Variants in PSMF1 observed in about 807,000 individuals in gnomAD.
PSMF1 encodes proteasome inhibitor subunit 1, also known as proteasome inhibitor PI31 subunit.
In PSMF1, 30 loss-of-function variants were observed where a neutral mutation model predicts 29.3. The ratio of observed to expected loss-of-function variants is 1.02; its 90% CI spans 0.77 to 1.39. The LOEUF (loss-of-function observed/expected upper bound fraction) is 1.39, where lower values mean the gene tolerates loss of function less well. Among genes scored for constraint, PSMF1 ranks in the 40% most tolerant of loss-of-function variants. The pLI is 0.00. For missense variants in PSMF1, 344 were observed against 357.5 expected, an observed-to-expected ratio of 0.96 and a Z score of 0.31; for synonymous variants, 134 against 139.7, an observed-to-expected ratio of 0.96 and a Z score of 0.29.
At chr20:1,132,842 G>A (rs1342155183) in intron 3 of PSMF1, among the ~76,000 whole-genome samples, 1 of 152,020 alleles carries the variant, frequency 6.6e-6, no homozygotes, top group Non-Finnish European at 1.5e-5. Context: ...ATTATGAATG[G>A]CATATTCTGT....
chr20:1,128,237 T>C (rs1189844625), intron 3 of PSMF1, among the ~76,000 whole-genome samples: 1 of 152,230 alleles, frequency 6.6e-6, no homozygotes, highest in Non-Finnish European at 1.5e-5. Context: ...ACATAGTTGG[T>C]ATCATACAGT....
At chr20:1,118,971 C>T in intron 1 of PSMF1, 69 bp downstream of exon 1, 1 of 1,572,498 alleles carries the variant, frequency 6.4e-7, no homozygotes, top group Non-Finnish European at 8.7e-7. Flanking sequence ...TACCGGAGGC[C>T]TGGTCCAGAG....
rs2086749644 is a variant in PSMF1 at position 1,167,814 on chromosome 20, G to C, written c.*2734G>C. On this transcript the variant is annotated 3_prime_UTR_variant, in exon 7 of 7. Transcript: ENST00000335877. ...TGTACCAGTTTTTGAGTTTTCAGTTGTTTGAGTTTCAGATGTTTTCAGTTC... is the reference window on the plus strand; with the variant it reads ...TGTACCAGTTTTTGAGTTTTCAGTTCTTTGAGTTTCAGATGTTTTCAGTTC... The C allele has an allele frequency of 6.6e-6, 1 of 152,174 alleles. No individual in the cohort carries two copies. Among genetic ancestry groups the C allele is most frequent in the Non-Finnish European group, 1.5e-5 (1 of 68,026 alleles). The allele number at this position is 152,174 out of a possible 1,614,324, so 9.4% of individuals were successfully genotyped here.
chr20:1,131,476 G>C (rs1328155047), intron 3 of PSMF1, among the ~76,000 whole-genome samples: 1 of 152,208 alleles, frequency 6.6e-6, no homozygotes, highest in Admixed American at 6.5e-5. Flanking sequence ...GCTTAGTCCA[G>C]CTCTTAGTAA....
chr20:1,148,172 G>A (rs917495137), intron 4 of PSMF1, among the ~76,000 whole-genome samples: 1 of 152,166 alleles, frequency 6.6e-6, no homozygotes, highest in African/African-American at 2.4e-5. Flanking sequence ...AAAGATTCTG[G>A]GTCTGCTGTG....
chr20:1,121,427 C>T (rs2086086144), intron 1 of PSMF1, among the ~76,000 whole-genome samples: 1 of 152,094 alleles, frequency 6.6e-6, no homozygotes, highest in Non-Finnish European at 1.5e-5. Context: ...CATTGGGGCT[C>T]AGGTTGCACT....
intron 4 of PSMF1, chr20:1,161,584 C>T (rs182524568): frequency 1.2e-4 from 75 of 637,838 alleles, no homozygotes; most frequent in Non-Finnish European, 1.1e-4. Context: ...GCAAGTACTC[C>T]GTGTGGATCA....
In PSMF1 at chr20:1,171,091, G is replaced by A. The variant is rs190291269; in HGVS notation, c.*6011G>A. On this transcript the variant is annotated 3_prime_UTR_variant, in exon 7 of 7. Transcript: ENST00000335877. ...TGGGCAAAACCCATTCCAGAAGCTG[G>A]GAAACCACGTCAGGACTTGTGTGAG... Among the ~76,000 whole-genome samples the A allele has an allele frequency of 6.6e-6, 1 of 152,184 alleles. No individual in the cohort carries two copies. The highest frequency in any genetic ancestry group is 1.9e-4 in the East Asian group (1 of 5,158).
intron 3 of PSMF1, among the ~76,000 whole-genome samples, chr20:1,132,976 T>G (rs1191892960): frequency 6.7e-6 from 1 of 150,274 alleles, no homozygotes; most frequent in Admixed American, 6.6e-5. Flanking sequence ...TTTGTTTTTT[T>G]TTTTTTTTGG....
intron 4 of PSMF1, among the ~76,000 whole-genome samples, chr20:1,146,752 C>T (rs1454150562): frequency 6.6e-6 from 1 of 152,206 alleles, no homozygotes; most frequent in Non-Finnish European, 1.5e-5. Flanking sequence ...TGTCTCAGCA[C>T]ATTTAGCCTC....
chr20:1,155,283 G>A (rs913279259), intron 4 of PSMF1, among the ~76,000 whole-genome samples: 5 of 152,228 alleles, frequency 3.3e-5, no homozygotes, highest in East Asian at 1.9e-4. Flanking sequence ...AAAATCTCCT[G>A]TGTTTCTTTT....
At chr20:1,131,209 G>T (rs979214546) in intron 3 of PSMF1, among the ~76,000 whole-genome samples, 1 of 152,252 alleles carries the variant, frequency 6.6e-6, no homozygotes, top group Admixed American at 6.5e-5. Context: ...GACAAAACCT[G>T]TGGAAGAACC....
intron 3 of PSMF1, among the ~76,000 whole-genome samples, chr20:1,133,916 C>T (rs2086269101): frequency 6.6e-6 from 1 of 151,840 alleles, no homozygotes; most frequent in South Asian, 2.1e-4. Context: ...TCTTAGTATT[C>T]TCTTATTATC....
Position 1,164,362 on chromosome 20 carries a change from T to C in PSMF1, c.650T>C (p.Phe217Ser), listed in dbSNP as rs2086702392. ...ATTGTGGATCCCCTGAGATCTGGCT[T>C]CCCAAGAGCACTTATTGACCCTTCC... ...GMIVDPLRSG[F>S]PRALIDPSSG... is the part of the protein sequence containing the mutation. The change falls in exon 6 of 7, where the codon TTC becomes TCC. Residue 217 changes from phenylalanine to serine, a missense_variant. By Grantham distance (155) the Phe-to-Ser change is radical. Coordinates refer to ENST00000335877, the MANE Select transcript of PSMF1 (RefSeq NM_006814.5). The surrounding 1 kb of genome is among the most constrained non-coding windows in gnomAD (Gnocchi z 4.1). 1 of 1,613,946 alleles carries C rather than the reference T, an allele frequency of 6.2e-7. No homozygotes were observed. Among genetic ancestry groups the C allele is most frequent in the Non-Finnish European group, 8.5e-7 (1 of 1,179,952 alleles).
intron 4 of PSMF1, chr20:1,160,893 G>A: frequency 2.2e-6 from 1 of 447,864 alleles, no homozygotes. Flanking sequence ...ACCTGGTGCT[G>A]CTGACTGAGG....
At chr20:1,141,486 CTTTTT>C (rs919210769) in intron 4 of PSMF1, among the ~76,000 whole-genome samples, 2 of 150,568 alleles carry the variant, frequency 1.3e-5, no homozygotes, top group African/African-American at 4.9e-5. Context: ...CTTTTTTTTT[CTTTTT>C]AATATTTTTT....
rs1394065252 is a variant in PSMF1 at position 1,163,577 on chromosome 20, A to G, written c.605+394A>G. 2.6e-5 allele frequency among the ~76,000 whole-genome samples: 4 copies of G among 152,236 alleles called. No homozygotes were observed. The highest frequency in any genetic ancestry group is 5.9e-5 in the Non-Finnish European group (4 of 68,038). On this transcript the variant is annotated intron_variant, in intron 5 of 6. Coordinates refer to ENST00000335877, the MANE Select transcript of PSMF1 (RefSeq NM_006814.5). The surrounding 1 kb of genome is among the most constrained non-coding windows in gnomAD (Gnocchi z 6.1). ...ACTCTGGATGGTTCTTATGCATCCA[A>G]CAAAGTTACTACAGCCTCTGCTATC...
At chr20:1,130,277 A>G (rs1298093280) in intron 3 of PSMF1, among the ~76,000 whole-genome samples, 1 of 152,230 alleles carries the variant, frequency 6.6e-6, no homozygotes, top group Non-Finnish European at 1.5e-5. Context: ...GTGTTAATGT[A>G]CTTAACAGTA....
intron 3 of PSMF1, among the ~76,000 whole-genome samples, chr20:1,130,233 G>A (rs1335661489): frequency 6.6e-6 from 1 of 152,164 alleles, no homozygotes; most frequent in East Asian, 1.9e-4. Context: ...AATGAAAAGA[G>A]ATCTGGAGAT....
Sources: allele counts gnomAD v4.1 joint callset (sites outside exome capture counted in the v4.1 genomes callset), GRCh38; gene constraint gnomAD v4.1.1; non-coding constraint Gnocchi (gnomAD v3.1); transcripts MANE v1.5; gene names NCBI Gene and HGNC (gene_info 2026-07-23, HGNC 2026-07-21).